DSCAM: variants seen among roughly 807,000 people sequenced by gnomAD.
DSCAM encodes DS cell adhesion molecule.
DSCAM carries 47 observed loss-of-function variants against 217.7 expected under a neutral mutation model. The observed-to-expected ratio is 0.22, with a 90% confidence interval of 0.17 to 0.28. The LOEUF is 0.28. Ranked by LOEUF, DSCAM falls within the 10% of genes least tolerant of loss-of-function variation. DSCAM has a pLI of 1.00. For synonymous variants in DSCAM, 1,056 were observed against 1,015.3 expected, an observed-to-expected ratio of 1.04 and a Z score of -0.76; for missense variants, 2,080 against 2,618.3, an observed-to-expected ratio of 0.79 and a Z score of 4.49.
intron 1 of DSCAM, among the ~76,000 whole-genome samples, chr21:40,767,736 G>A (rs1159233619): frequency 6.6e-6 from 1 of 152,186 alleles, no homozygotes; most frequent in African/African-American, 2.4e-5. Context: ...TTGGTCCTGA[G>A]CATCACAGCT....
intron 3 of DSCAM, among the ~76,000 whole-genome samples, chr21:40,477,082 C>T (rs2075943190): frequency 6.6e-6 from 1 of 152,120 alleles, no homozygotes; most frequent in Non-Finnish European, 1.5e-5. Flanking sequence ...AGGAAGACTG[C>T]AGTCAGCCCA....
intron 3 of DSCAM, among the ~76,000 whole-genome samples, chr21:40,625,800 A>G (rs906290742): frequency 5.9e-5 from 9 of 152,086 alleles, no homozygotes; most frequent in Admixed American, 2.6e-4. Context: ...CAACAAAACA[A>G]AATTCCCTTT....
At chr21:40,698,869 TAAAAAAAAAAAA>T (rs56775350) in intron 2 of DSCAM, among the ~76,000 whole-genome samples, 142 of 107,990 alleles carry the variant, frequency 1.3e-3, no homozygotes, top group Non-Finnish European at 2.0e-3. Flanking sequence ...GAATCCGTCT[TAAAAAAAAAAAA>T]AAAAAAAAAA....
chr21:40,334,361 T>G (rs951430887), intron 8 of DSCAM, among the ~76,000 whole-genome samples: 2 of 152,198 alleles, frequency 1.3e-5, no homozygotes, highest in African/African-American at 4.8e-5. Flanking sequence ...GCTGACTCAG[T>G]AGAAAGCAAT....
chr21:40,839,513 A>G (rs764053302), intron 1 of DSCAM, among the ~76,000 whole-genome samples: 1 of 152,164 alleles, frequency 6.6e-6, no homozygotes, highest in Non-Finnish European at 1.5e-5. Context: ...CAGATAATAT[A>G]TATATTGCCT....
intron 1 of DSCAM, among the ~76,000 whole-genome samples, chr21:40,826,480 C>T (rs2091970004): frequency 1.3e-5 from 2 of 152,274 alleles, no homozygotes; most frequent in South Asian, 4.1e-4. Context: ...ATGTAATCTG[C>T]TTTATATTTT....
chr21:40,115,504 T>C (rs62237610), intron 20 of DSCAM, among the ~76,000 whole-genome samples: 13,599 of 152,190 alleles, frequency 0.089, 925 homozygotes, highest in East Asian at 0.29. Context: ...ACATGGCACA[T>C]GTATACATAT....
intron 3 of DSCAM, among the ~76,000 whole-genome samples, chr21:40,449,715 G>A (rs551167089): frequency 6.6e-6 from 1 of 152,238 alleles, no homozygotes; most frequent in South Asian, 2.1e-4. Context: ...ATTGAGCCAA[G>A]GTAATCAGAA....
intron 1 of DSCAM, among the ~76,000 whole-genome samples, chr21:40,840,923 G>A (rs534015818): frequency 1.3e-5 from 2 of 152,090 alleles, no homozygotes; most frequent in Non-Finnish European, 2.9e-5. Context: ...CTTTCACTCC[G>A]TAAGGAACAT....
chr21:40,486,735 A>G (rs2076031724), intron 3 of DSCAM, among the ~76,000 whole-genome samples: 1 of 152,326 alleles, frequency 6.6e-6, no homozygotes, highest in South Asian at 2.1e-4. Flanking sequence ...TGAAGAACCT[A>G]TGCAATATTT....
chr21:40,424,830 G>A (rs1601632594), intron 3 of DSCAM, among the ~76,000 whole-genome samples: 1 of 152,140 alleles, frequency 6.6e-6, no homozygotes, highest in African/African-American at 2.4e-5. Flanking sequence ...CAGGCCAGTC[G>A]CACATGTAAT....
chr21:40,153,265 C>T (rs558085861), intron 16 of DSCAM, among the ~76,000 whole-genome samples: 30 of 152,306 alleles, frequency 2.0e-4, no homozygotes, highest in Non-Finnish European at 3.2e-4. Context: ...ACCAGGGACA[C>T]CTTTGAGTGA....
intron 1 of DSCAM, among the ~76,000 whole-genome samples, chr21:40,797,265 C>G (rs1343959306): frequency 6.6e-6 from 1 of 152,130 alleles, no homozygotes; most frequent in African/African-American, 2.4e-5. Flanking sequence ...GCTTCCTAAA[C>G]ACAAGTTCTC....
At chr21:40,221,720 C>G (rs2091290675) in intron 11 of DSCAM, among the ~76,000 whole-genome samples, 1 of 152,154 alleles carries the variant, frequency 6.6e-6, no homozygotes, top group African/African-American at 2.4e-5. Context: ...TGGCACCAAA[C>G]TCTTCTCACG....
chr21:40,488,986 G>T (rs2076052726), intron 3 of DSCAM, among the ~76,000 whole-genome samples: 1 of 152,130 alleles, frequency 6.6e-6, no homozygotes, highest in Admixed American at 6.5e-5. Context: ...GATAGTCAGA[G>T]GTCATGGGCA....
chr21:40,720,165 G>A (rs1018316272), intron 1 of DSCAM, among the ~76,000 whole-genome samples: 3 of 152,156 alleles, frequency 2.0e-5, no homozygotes, highest in East Asian at 1.9e-4. Flanking sequence ...AATGCCATTT[G>A]GGTTCAAGTT....
At position 40,296,751 on chromosome 21, in the gene DSCAM, G is replaced by A. The variant is rs541170428; in HGVS notation, c.2063-577C>T. ...GAGGCGGAGGCTGGAGAATTGCTTG[G>A]ACCCGGGAAGCGGAGGTTGCAGTGA... is the stretch of plus-strand genomic sequence containing the variant. On this transcript the variant is annotated intron_variant, in intron 9 of 32. Coordinates refer to ENST00000400454, the MANE Select transcript of DSCAM (RefSeq NM_001389.5). Among the ~76,000 whole-genome samples, 4 of 147,364 alleles carry A rather than the reference G, an allele frequency of 2.7e-5. No individual in the cohort carries two copies. In the Admixed American group the frequency reaches 2.8e-4, roughly 10 times the overall value.
intron 10 of DSCAM, among the ~76,000 whole-genome samples, chr21:40,276,487 G>T (rs2073689230): frequency 6.6e-6 from 1 of 152,164 alleles, no homozygotes; most frequent in South Asian, 2.1e-4. Flanking sequence ...CAGACTCTGA[G>T]ATAAAAACTA....
chr21:40,179,344 A>C (rs2146803254), intron 14 of DSCAM, among the ~76,000 whole-genome samples: 1 of 152,266 alleles, frequency 6.6e-6, no homozygotes, highest in East Asian at 1.9e-4. Context: ...TGGGGCAACA[A>C]GCCAGCTGAG....
Sources: gnomAD v4.1 joint callset for allele counts (sites outside exome capture counted in the v4.1 genomes callset) on GRCh38, gnomAD v4.1.1 for gene constraint, MANE v1.5 for transcripts, NCBI Gene and HGNC (gene_info 2026-07-23, HGNC 2026-07-21) for gene names.